USP32: variants seen among roughly 807,000 people sequenced by gnomAD.
USP32 encodes ubiquitin carboxyl-terminal hydrolase 32.
A neutral mutation model predicts 204.8 loss-of-function variants in USP32; 59 were observed. That is an observed-to-expected ratio of 0.29 (90% CI 0.23 to 0.36). The LOEUF (loss-of-function observed/expected upper bound fraction) is 0.36. USP32 is among the 10% of genes least tolerant of loss of function. The pLI is 1.00. For synonymous variants in USP32, 517 were observed against 678.4 expected (o/e 0.76, Z 3.70); for missense variants, 1,160 against 1,946.4 (o/e 0.60, Z 7.60).
At chr17:60,310,157 C>A (rs914071235) in intron 2 of USP32, among the ~76,000 whole-genome samples, 5 of 152,092 alleles carry the variant, frequency 3.3e-5, no homozygotes, top group African/African-American at 1.2e-4. Context: ...ACTAGTACAG[C>A]CATTGTGTAA....
rs554401362 is a variant in USP32 at position 60,363,639 on chromosome 17, A to C, written c.59-18031T>G. ...GTAGCTGGGACCATAGGTCCATGCCACCATGCCCAGCTAATTTTTTGTTTT... is the reference window on the plus strand; with the variant it reads ...GTAGCTGGGACCATAGGTCCATGCCCCCATGCCCAGCTAATTTTTTGTTTT... On this transcript the variant is annotated intron_variant, in intron 1 of 33. Coordinates refer to ENST00000300896, the MANE Select transcript of USP32 (RefSeq NM_032582.4). Among the ~76,000 whole-genome samples, 23 of 151,680 alleles carry C rather than the reference A, an allele frequency of 1.5e-4. No homozygotes were observed. In the East Asian group the frequency reaches 4.5e-3, roughly 30 times the overall value.
At chr17:60,279,500 A>C (rs2086915162) in intron 5 of USP32, among the ~76,000 whole-genome samples, 2 of 150,566 alleles carry the variant, frequency 1.3e-5, no homozygotes, top group South Asian at 4.2e-4. Context: ...AGAAAAAAAA[A>C]ACCTTATCTA....
chr17:60,408,110 A>G (rs1293660668), intron 1 of USP32, among the ~76,000 whole-genome samples: 1 of 152,020 alleles, frequency 6.6e-6, no homozygotes, highest in Non-Finnish European at 1.5e-5. Context: ...AAAGAAAAAG[A>G]AAGAAAAAGA....
intron 1 of USP32, among the ~76,000 whole-genome samples, chr17:60,375,598 G>A (rs1458327580): frequency 1.3e-5 from 2 of 149,962 alleles, no homozygotes; most frequent in East Asian, 3.9e-4. Flanking sequence ...CTGGTGTTTT[G>A]TTGTTGTTTG....
chr17:60,326,565 C>A (rs561654667), intron 2 of USP32, among the ~76,000 whole-genome samples: 2 of 152,290 alleles, frequency 1.3e-5, no homozygotes, highest in South Asian at 4.1e-4. Context: ...TCCCAAAGTG[C>A]TGGGATTAAA....
At chr17:60,229,292 C>T (rs1281054800) in intron 12 of USP32, among the ~76,000 whole-genome samples, 1 of 152,192 alleles carries the variant, frequency 6.6e-6, no homozygotes, top group Non-Finnish European at 1.5e-5. Flanking sequence ...ATCCTCCTGC[C>T]TTGGCCTCCC....
At chr17:60,344,848 G>A (rs957128961) in intron 2 of USP32, among the ~76,000 whole-genome samples, 1 of 151,716 alleles carries the variant, frequency 6.6e-6, no homozygotes. Context: ...ATTTTTTTTA[G>A]AGACAGTGTC....
At chr17:60,225,847 A>G (rs1485671151) in intron 13 of USP32, among the ~76,000 whole-genome samples, 192 bp downstream of exon 13, 1 of 151,950 alleles carries the variant, frequency 6.6e-6, no homozygotes, top group Non-Finnish European at 1.5e-5. Flanking sequence ...GCAGCTACTC[A>G]GGAGGCTGAG....
At chr17:60,410,678 T>C (rs57692677) in intron 1 of USP32, among the ~76,000 whole-genome samples, 1 of 151,376 alleles carries the variant, frequency 6.6e-6, no homozygotes, top group South Asian at 2.1e-4. Context: ...AAAAAATAAA[T>C]AAAGAAAGAA....
At chr17:60,342,634 T>C (rs1368284012) in intron 2 of USP32, among the ~76,000 whole-genome samples, 1 of 152,178 alleles carries the variant, frequency 6.6e-6, no homozygotes, top group Non-Finnish European at 1.5e-5. Context: ...TCAGCAATGG[T>C]GGATGCCCCT....
chr17:60,238,791 G>A (rs550779574), intron 11 of USP32, among the ~76,000 whole-genome samples: 14 of 146,880 alleles, frequency 9.5e-5, no homozygotes, highest in East Asian at 4.0e-4. Flanking sequence ...GCAACAGAGC[G>A]AGACTCCATC....
chr17:60,279,611 T>G (rs539373114), intron 5 of USP32, among the ~76,000 whole-genome samples: 1 of 151,476 alleles, frequency 6.6e-6, no homozygotes, highest in Non-Finnish European at 1.5e-5. Context: ...CTGAGGCAGG[T>G]AGATCACTAG....
In USP32 at chr17:60,421,538, G is replaced by A. The variant is rs191030244; in HGVS notation, c.106+708C>T. The A allele has an allele frequency of 1.3e-4, 127 of 985,478 alleles. No homozygotes were observed. In the Middle Eastern group the frequency reaches 2.1e-3, roughly 16 times the overall value. 61.0% of individuals were successfully genotyped at this position (985,478 alleles called of 1,614,324 possible). A position where few individuals can be genotyped will look rare whatever the true frequency, so the allele number is the denominator to read the frequency against. On this transcript the variant is annotated intron_variant, in intron 1 of 3. Coordinates refer to the USP32 transcript ENST00000588898. ...GCCCAGAGGACACGAAGGAAGGTCC[G>A]GGAGAAGGAATTCCTAGTTTCAGGG...
intron 5 of USP32, among the ~76,000 whole-genome samples, chr17:60,277,426 G>T (rs1293280950): frequency 1.3e-5 from 2 of 152,154 alleles, no homozygotes; most frequent in East Asian, 3.9e-4. Context: ...ACTTAAAATG[G>T]CTGTAAGCCT....
At chr17:60,386,234 G>A (rs2089728401) in intron 1 of USP32, among the ~76,000 whole-genome samples, 1 of 151,878 alleles carries the variant, frequency 6.6e-6, no homozygotes, top group African/African-American at 2.4e-5. Flanking sequence ...GGCCCAAAAA[G>A]CAAAAGCAGA....
intron 2 of USP32, among the ~76,000 whole-genome samples, chr17:60,337,280 A>G (rs1043510224): frequency 2.0e-5 from 3 of 152,206 alleles, no homozygotes; most frequent in African/African-American, 7.2e-5. Flanking sequence ...TTGTTTTCAC[A>G]TGTTGATCAC....
intron 2 of USP32, among the ~76,000 whole-genome samples, chr17:60,344,891 T>G (rs752756276): frequency 1.1e-4 from 17 of 152,232 alleles, no homozygotes; most frequent in Admixed American, 2.6e-4. Context: ...CTCGAGTTCT[T>G]GGGCTTAAGC....
intron 2 of USP32, among the ~76,000 whole-genome samples, chr17:60,333,757 AAAG>A (rs1207960035): frequency 2.6e-5 from 4 of 152,142 alleles, no homozygotes; most frequent in South Asian, 4.2e-4. Context: ...AGAAAATCGT[AAAG>A]AAGAGAAAAT....
At position 60,179,196 on chromosome 17, in the gene USP32, T is replaced by C; in HGVS notation, c.*59A>G. 3 of 1,545,358 alleles carry C rather than the reference T, an allele frequency of 1.9e-6. No homozygotes were observed. The highest frequency in any genetic ancestry group is 2.6e-6 in the Non-Finnish European group (3 of 1,140,346). On this transcript the variant is annotated 3_prime_UTR_variant, in exon 34 of 34. Coordinates refer to ENST00000300896, the MANE Select transcript of USP32 (RefSeq NM_032582.4). ...CTTTCAGTGACGCTTTTGCCAAATGTCAGCTACAAGGAGTCATCTCCCTCA... is the reference window on the plus strand; with the variant it reads ...CTTTCAGTGACGCTTTTGCCAAATGCCAGCTACAAGGAGTCATCTCCCTCA...
Sources: gnomAD v4.1 joint callset for allele counts (sites outside exome capture counted in the v4.1 genomes callset) on GRCh38, gnomAD v4.1.1 for gene constraint, MANE v1.5 for transcripts, NCBI Gene and HGNC (gene_info 2026-07-23, HGNC 2026-07-21) for gene names.